Variants in ACTR3C observed in about 807,000 individuals in gnomAD.
ACTR3C encodes actin-related protein 3C.
Under a neutral mutation model 26.3 loss-of-function variants are expected in ACTR3C, and 18 were observed. The observed-to-expected ratio is 0.68, with a 90% CI of 0.47 to 1.01. ACTR3C has a LOEUF of 1.01. ACTR3C is among the 50% of genes least tolerant of loss of function. The pLI is 0.00. For synonymous variants in ACTR3C, 55 were observed against 94.5 expected, an observed-to-expected ratio of 0.58 and a Z score of 2.42; for missense variants, 184 against 250.7, an observed-to-expected ratio of 0.73 and a Z score of 1.80.
chr7:150,088,745 T>C, the ACTR3C span, among the ~76,000 whole-genome samples: 3 of 152,214 alleles, frequency 2.0e-5, no homozygotes, highest in African/African-American at 7.2e-5. Flanking sequence ...CTATTACAGG[T>C]CTTAATGTCT....
chr7:150,028,010 A>G, the ACTR3C span, among the ~76,000 whole-genome samples: 436 of 149,894 alleles, frequency 2.9e-3, no homozygotes, highest in African/African-American at 0.01. Flanking sequence ...AAAAATAAAA[A>G]AATTAAAAAC....
At chr7:150,041,543 C>G in the ACTR3C span, 2 of 207,558 alleles carry the variant, frequency 9.6e-6, no homozygotes, top group Non-Finnish European at 1.6e-5. Flanking sequence ...GTCCCCGCCT[C>G]GCGGGGGGTG....
the ACTR3C span, among the ~76,000 whole-genome samples, chr7:150,132,186 T>C: frequency 6.6e-6 from 1 of 152,094 alleles, no homozygotes; most frequent in African/African-American, 2.4e-5. Flanking sequence ...ACTAAAACAA[T>C]AGTGGTTTTC....
At chr7:150,109,640 C>A in the ACTR3C span, among the ~76,000 whole-genome samples, 4 of 148,742 alleles carry the variant, frequency 2.7e-5, no homozygotes, top group Non-Finnish European at 5.9e-5. Context: ...ATTACTAAAT[C>A]ATTCTAGGGA....
At chr7:150,077,512 C>T in the ACTR3C span, among the ~76,000 whole-genome samples, 1 of 152,098 alleles carries the variant, frequency 6.6e-6, no homozygotes, top group Non-Finnish European at 1.5e-5. Context: ...CCTGGACTCA[C>T]TAAAGGTACA....
At chr7:150,009,306 C>A in the ACTR3C span, among the ~76,000 whole-genome samples, 1 of 152,206 alleles carries the variant, frequency 6.6e-6, no homozygotes, top group Admixed American at 6.5e-5. Flanking sequence ...AGAATCTGTC[C>A]TCCACCCCAG....
intron 1 of ACTR3C, among the ~76,000 whole-genome samples, chr7:150,305,641 GT>G (rs1403767858): frequency 6.6e-6 from 1 of 152,204 alleles, no homozygotes; most frequent in Non-Finnish European, 1.5e-5. Context: ...TTCTAATTCA[GT>G]TTCCACTCAA....
the ACTR3C span, among the ~76,000 whole-genome samples, chr7:150,084,833 G>A: frequency 6.6e-6 from 1 of 152,102 alleles, no homozygotes; most frequent in Non-Finnish European, 1.5e-5. Context: ...GTGTGGGAGG[G>A]GGAGTGGAAG....
chr7:149,891,128 A>G, the ACTR3C span: 1 of 546,240 alleles, frequency 1.8e-6, no homozygotes, highest in Non-Finnish European at 3.4e-6. Flanking sequence ...GAATATCTTC[A>G]GTTTAAAATC....
At chr7:150,267,272 C>T (rs1834113845) in intron 6 of ACTR3C, among the ~76,000 whole-genome samples, 1 of 152,276 alleles carries the variant, frequency 6.6e-6, no homozygotes, top group South Asian at 2.1e-4. Flanking sequence ...TCCACGGTGT[C>T]AGTTACCCGT....
chr7:150,209,288 CAG>C, the ACTR3C span, among the ~76,000 whole-genome samples: 18 of 129,452 alleles, frequency 1.4e-4, no homozygotes, highest in South Asian at 4.6e-4. Context: ...GAGACAGAAA[CAG>C]AGAGAGAGAG....
chr7:150,119,449 A>G, the ACTR3C span, among the ~76,000 whole-genome samples: 1 of 152,222 alleles, frequency 6.6e-6, no homozygotes, highest in Non-Finnish European at 1.5e-5. Flanking sequence ...CTCTGATAAA[A>G]CAGACTTTAA....
chr7:150,234,700 G>A, the ACTR3C span, among the ~76,000 whole-genome samples: 1 of 152,154 alleles, frequency 6.6e-6, no homozygotes, highest in African/African-American at 2.4e-5. Context: ...ATTTCTGGGT[G>A]GCTGTTTGCT....
the ACTR3C span, among the ~76,000 whole-genome samples, chr7:150,018,026 T>C: frequency 6.7e-6 from 1 of 150,244 alleles, no homozygotes; most frequent in Non-Finnish European, 1.5e-5. Flanking sequence ...ACTTTGTGAG[T>C]TGGCAGTCTA....
chr7:149,920,533 C>T, the ACTR3C span, among the ~76,000 whole-genome samples: 1 of 151,924 alleles, frequency 6.6e-6, no homozygotes, highest in African/African-American at 2.4e-5. Flanking sequence ...GGCTGGTCTC[C>T]AACTCCTGGG....
chr7:150,158,846 GCA>G, the ACTR3C span, among the ~76,000 whole-genome samples: 2 of 146,032 alleles, frequency 1.4e-5, no homozygotes, highest in African/African-American at 2.6e-5. Context: ...GCACACACAG[GCA>G]CACACACAGG....
the ACTR3C span, among the ~76,000 whole-genome samples, chr7:150,204,295 C>T: frequency 1.4e-5 from 2 of 144,136 alleles, no homozygotes; most frequent in Non-Finnish European, 3.0e-5. Context: ...CAAGCTGTGT[C>T]GGTTCTGGTG....
At chr7:149,946,065 C>G in the ACTR3C span, among the ~76,000 whole-genome samples, 2 of 152,170 alleles carry the variant, frequency 1.3e-5, no homozygotes, top group Non-Finnish European at 2.9e-5. Context: ...TTGGTGGATT[C>G]TCCCAACTTG....
At chr7:149,883,853 G>T in the ACTR3C span, among the ~76,000 whole-genome samples, 1 of 152,234 alleles carries the variant, frequency 6.6e-6, no homozygotes, top group Non-Finnish European at 1.5e-5. Flanking sequence ...ATGCTGAAGA[G>T]CTCTGTCGTT....
Sources: allele counts gnomAD v4.1 joint callset (sites outside exome capture counted in the v4.1 genomes callset), GRCh38; gene constraint gnomAD v4.1.1; transcripts MANE v1.5; gene names NCBI Gene and HGNC (gene_info 2026-07-23, HGNC 2026-07-21).